Variants in OLFM2 observed in about 807,000 individuals in gnomAD.
OLFM2 encodes noelin-2.
OLFM2 carries 20 observed loss-of-function variants against 43.9 expected under a neutral mutation model. That is an observed-to-expected ratio of 0.46 (90% CI 0.32 to 0.66). The LOEUF (loss-of-function observed/expected upper bound fraction) is 0.66. Ranked by LOEUF, OLFM2 falls within the 30% of genes least tolerant of loss-of-function variation. The pLI is 0.04. For synonymous variants in OLFM2, 268 were observed against 278.6 expected, an observed-to-expected ratio of 0.96 and a Z score of 0.38; for missense variants, 416 against 643.6, an observed-to-expected ratio of 0.65 and a Z score of 3.83.
intron 1 of OLFM2, among the ~76,000 whole-genome samples, chr19:9,899,031 G>A (rs539146442): frequency 1.9e-4 from 29 of 152,222 alleles, no homozygotes; most frequent in African/African-American, 6.3e-4. Context: ...TTGGGAGGCC[G>A]AGGTAGGTGG....
At position 9,895,335 on chromosome 19, in the gene OLFM2, A is replaced by T. The variant is rs187701445; in HGVS notation, c.64-34541T>A. Among the ~76,000 whole-genome samples the T allele has an allele frequency of 3.0e-3, 454 of 151,396 alleles. 1 individual carries two copies. Among genetic ancestry groups the T allele is most frequent in the African/African-American group, 1.0e-2 (411 of 41,262 alleles). On this transcript the variant is annotated intron_variant, in intron 1 of 5. Coordinates refer to ENST00000264833, the MANE Select transcript of OLFM2 (RefSeq NM_058164.4). ...GGACCCTAACTGTACCAAAAAAAAA[A>T]TTTTTTTTTAATTAGCGGGGTGTGG...
chr19:9,871,468 G>C (rs757670067), intron 1 of OLFM2, among the ~76,000 whole-genome samples: 8 of 151,470 alleles, frequency 5.3e-5, no homozygotes, highest in Non-Finnish European at 8.8e-5. Context: ...AGCTACTCAG[G>C]AGGCTGAGGC....
In OLFM2 at chr19:9,911,080, G is replaced by A. The variant is rs114969511; in HGVS notation, c.63+25224C>T. On this transcript the variant is annotated intron_variant, in intron 1 of 5. Transcript: ENST00000264833. Reference sequence around the variant, plus strand: ...GATGGATGAAGAGATATATGGAAGCGTGGAAGGATGGGAATTTGAACAGCA... The same window carrying A: ...GATGGATGAAGAGATATATGGAAGCATGGAAGGATGGGAATTTGAACAGCA... Among the ~76,000 whole-genome samples, 987 of 152,258 alleles carry A rather than the reference G, an allele frequency of 6.5e-3. 11 individuals carry two copies. The highest frequency in any genetic ancestry group is 0.023 in the African/African-American group (948 of 41,556).
chr19:9,860,133 G>A (rs1347735012), intron 2 of OLFM2, among the ~76,000 whole-genome samples: 1 of 147,920 alleles, frequency 6.8e-6, no homozygotes, highest in Non-Finnish European at 1.5e-5. Context: ...GGGCGACAGA[G>A]TGAGACTGTC....
intron 1 of OLFM2, among the ~76,000 whole-genome samples, chr19:9,909,935 T>C (rs2046815165): frequency 6.6e-6 from 1 of 150,990 alleles, no homozygotes; most frequent in Non-Finnish European, 1.5e-5. Context: ...GAAGGTGTGA[T>C]TGTGGATTCA....
chr19:9,859,573 G>C (rs567978125), intron 2 of OLFM2, among the ~76,000 whole-genome samples: 1 of 152,084 alleles, frequency 6.6e-6, no homozygotes, highest in Non-Finnish European at 1.5e-5. Flanking sequence ...GATTACAGGC[G>C]TGAGCTACCA....
intron 1 of OLFM2, among the ~76,000 whole-genome samples, chr19:9,927,687 G>T (rs187504964): frequency 3.3e-4 from 51 of 152,338 alleles, no homozygotes; most frequent in African/African-American, 1.1e-3. Context: ...CAGCCATTCA[G>T]AGCGGACTGT....
intron 1 of OLFM2, among the ~76,000 whole-genome samples, chr19:9,863,120 T>C (rs1416059155): frequency 6.6e-6 from 1 of 151,500 alleles, no homozygotes; most frequent in African/African-American, 2.4e-5. Flanking sequence ...GGAGGAGCCA[T>C]TTGGATGTCT....
chr19:9,922,224 G>A (rs576438187), intron 1 of OLFM2, among the ~76,000 whole-genome samples: 189 of 152,168 alleles, frequency 1.2e-3, no homozygotes, highest in African/African-American at 4.2e-3. Context: ...CTCATATCCT[G>A]ATTTTATAGT....
At chr19:9,890,481 GGAGT>G (rs1221247199) in intron 1 of OLFM2, among the ~76,000 whole-genome samples, 4 of 152,218 alleles carry the variant, frequency 2.6e-5, no homozygotes, top group Non-Finnish European at 5.9e-5. Context: ...CGTGTCTACA[GGAGT>G]GAGTAACTGT....
intron 1 of OLFM2, among the ~76,000 whole-genome samples, chr19:9,893,933 T>C (rs2046659289): frequency 6.6e-6 from 1 of 152,114 alleles, no homozygotes. Context: ...AACATCCCTC[T>C]ATCTGAGCTC....
chr19:9,879,450 C>T (rs2046520904), intron 1 of OLFM2, among the ~76,000 whole-genome samples: 1 of 151,958 alleles, frequency 6.6e-6, no homozygotes, highest in Non-Finnish European at 1.5e-5. Context: ...GTTGTTTAAA[C>T]GTGTGTAGCA....
At chr19:9,890,688 C>T (rs558888357) in intron 1 of OLFM2, among the ~76,000 whole-genome samples, 2 of 152,290 alleles carry the variant, frequency 1.3e-5, no homozygotes, top group Non-Finnish European at 2.9e-5. Flanking sequence ...TGTGGTGGCT[C>T]ACACCTGTAA....
chr19:9,891,033 G>C lies in OLFM2; in HGVS notation c.64-30239C>G, dbSNP rs2046634212. Among the ~76,000 whole-genome samples the C allele has an allele frequency of 2.0e-5, 3 of 151,680 alleles. No individual in the cohort carries two copies. In the South Asian group the frequency reaches 6.3e-4, roughly 32 times the overall value. ...CAGCAACCGCAGAAGGGCATGTTGG[G>C]CTGGGTGCAGTGGCTCACACTTGTA... On this transcript the variant is annotated intron_variant, in intron 1 of 5. Transcript: ENST00000264833.
intron 1 of OLFM2, among the ~76,000 whole-genome samples, chr19:9,900,993 AGGGAGGG>A (rs1393409044): frequency 4.3e-4 from 22 of 51,654 alleles, no homozygotes; most frequent in African/African-American, 1.8e-3. Context: ...GAAGGAAGGG[AGGGAGGG>A]GGGAGGGAGG....
At chr19:9,925,721 A>T (rs1445436626) in intron 1 of OLFM2, among the ~76,000 whole-genome samples, 3 of 150,268 alleles carry the variant, frequency 2.0e-5, no homozygotes, top group Admixed American at 2.0e-4. Context: ...GGTGTGAGCC[A>T]CCGCGCCTGG....
At chr19:9,871,760 C>A (rs1437509601) in intron 1 of OLFM2, among the ~76,000 whole-genome samples, 1 of 152,146 alleles carries the variant, frequency 6.6e-6, no homozygotes, top group Non-Finnish European at 1.5e-5. Context: ...GGCTCCAGGC[C>A]TGCCTCTACC....
intron 1 of OLFM2, among the ~76,000 whole-genome samples, chr19:9,918,266 C>T (rs984866991): frequency 6.6e-6 from 1 of 152,104 alleles, no homozygotes; most frequent in Non-Finnish European, 1.5e-5. Context: ...TCATAGCTCA[C>T]TGCAACCTCA....
Position 9,936,465 on chromosome 19 carries a change from G to A in OLFM2, c.-99C>T, listed in dbSNP as rs1052040040. The A allele has an allele frequency of 3.4e-6, 3 of 888,060 alleles. No individual in the cohort carries two copies. Among genetic ancestry groups the A allele is most frequent in the Non-Finnish European group, 4.1e-6 (3 of 739,658 alleles). 55.0% of individuals were successfully genotyped at this position (888,060 alleles called of 1,614,324 possible). ...GCGACCCCGCCCGCCCGGCCGGGGC[G>A]ACCCTGCGCCGCCGCCTCCCCCGCC... On this transcript the variant is annotated 5_prime_UTR_variant, in exon 1 of 6. Transcript: ENST00000264833.
Sources: gnomAD v4.1 joint callset for allele counts (sites outside exome capture counted in the v4.1 genomes callset) on GRCh38, gnomAD v4.1.1 for gene constraint, MANE v1.5 for transcripts, NCBI Gene and HGNC (gene_info 2026-07-23, HGNC 2026-07-21) for gene names.